Variants in EML5 observed in about 807,000 individuals in gnomAD.
EML5 encodes echinoderm microtubule-associated protein-like 5.
In EML5, 120 loss-of-function variants were observed where a neutral mutation model predicts 250.0. The ratio of observed to expected loss-of-function variants is 0.48; its 90% CI spans 0.41 to 0.56. The LOEUF is 0.56. EML5 is among the 20% of genes least tolerant of loss of function. The probability of loss-of-function intolerance (pLI) is 0.00; values close to 1 mark genes in which losing one functional copy is unlikely to be tolerated. For missense variants in EML5, 2,006 were observed against 2,437.6 expected (o/e 0.82, Z 3.73); for synonymous variants, 771 against 806.5 (o/e 0.96, Z 0.75).
At chr14:88,638,564 T>C (rs1174801442) in intron 32 of EML5, among the ~76,000 whole-genome samples, 1 of 152,236 alleles carries the variant, frequency 6.6e-6, no homozygotes, top group Admixed American at 6.5e-5. Flanking sequence ...AATCCAACTA[T>C]TTCAACTACC....
At chr14:88,730,963 T>TA (rs2093747219) in intron 7 of EML5, among the ~76,000 whole-genome samples, 1 of 152,214 alleles carries the variant, frequency 6.6e-6, no homozygotes, top group Non-Finnish European at 1.5e-5. Flanking sequence ...TCGTTTTTTT[T>TA]AACCAATAGC....
At chr14:88,722,580 A>G (rs1396476759) in intron 8 of EML5, among the ~76,000 whole-genome samples, 1 of 151,340 alleles carries the variant, frequency 6.6e-6, no homozygotes, top group Non-Finnish European at 1.5e-5. Context: ...CTATGGACAC[A>G]GGGAGAGGAA....
chr14:88,638,924 G>A lies in EML5; in HGVS notation c.4238-17C>T. On this transcript the variant is annotated splice_polypyrimidine_tract_variant and intron_variant, in intron 31 of 43. Coordinates refer to ENST00000554922, the MANE Select transcript of EML5 (RefSeq NM_183387.3). ...TCTGAGAACCTACAAAAAAGAATTT[G>A]AGAATTAAGTTTGAAAATTTTAAGA... is the stretch of plus-strand genomic sequence containing the variant. The A allele has an allele frequency of 1.3e-6, 2 of 1,537,398 alleles. No individual in the cohort carries two copies. Among genetic ancestry groups the A allele is most frequent in the Non-Finnish European group, 8.8e-7 (1 of 1,141,214 alleles).
intron 33 of EML5, among the ~76,000 whole-genome samples, chr14:88,628,522 CT>C (rs1205624400): frequency 2.0e-5 from 3 of 151,874 alleles, no homozygotes; most frequent in African/African-American, 7.2e-5. Flanking sequence ...TTTATATTTT[CT>C]TTTTTATGAA....
intron 18 of EML5, 122 bp from the exon 19 acceptor site, chr14:88,687,449 A>G (rs1242832922): frequency 3.0e-6 from 2 of 662,358 alleles, no homozygotes; most frequent in Non-Finnish European, 5.0e-6. Context: ...GCTTGTAAAG[A>G]ACAGGAATTA....
At chr14:88,745,562 C>T (rs894396233) in intron 3 of EML5, among the ~76,000 whole-genome samples, 1 of 152,130 alleles carries the variant, frequency 6.6e-6, no homozygotes, top group Non-Finnish European at 1.5e-5. Flanking sequence ...TAAATCCACA[C>T]AAGCAACATT....
intron 23 of EML5, among the ~76,000 whole-genome samples, chr14:88,663,671 T>C (rs1269332805): frequency 6.6e-6 from 1 of 152,090 alleles, no homozygotes; most frequent in Admixed American, 6.6e-5. Context: ...GACTTTAAAA[T>C]CTTCATTAAC....
intron 7 of EML5, among the ~76,000 whole-genome samples, chr14:88,728,443 T>C (rs1040974782): frequency 6.6e-6 from 1 of 152,136 alleles, no homozygotes; most frequent in Admixed American, 6.5e-5. Context: ...ACACAAACAG[T>C]TGTTTAACAT....
chr14:88,618,660 C>A lies in EML5; in HGVS notation c.5528G>T (p.Ser1843Ile). ...VIQMDFSADS[S>I]YLQVSSGCYK... ...GTATTGGTACTGTACCTGGAGATAACTGCTATCTGCAGAGAAGTCCATTTG... is the reference window on the plus strand; with the variant it reads ...GTATTGGTACTGTACCTGGAGATAAATGCTATCTGCAGAGAAGTCCATTTG... The change falls in exon 40 of 44, where the codon AGT becomes ATT. Residue 1843 changes from serine to isoleucine, a missense_variant. By Grantham distance (142) the Ser-to-Ile change is moderately radical. This residue lies in a region of EML5 where 405 missense variants were observed against 523.3 expected (regional missense o/e 0.77). Coordinates refer to ENST00000554922, the MANE Select transcript of EML5 (RefSeq NM_183387.3). 3 of 1,612,732 alleles carry A rather than the reference C, an allele frequency of 1.9e-6. No homozygotes were observed. The highest frequency in any genetic ancestry group is 2.5e-6 in the Non-Finnish European group (3 of 1,179,420).
At chr14:88,616,008 A>G in intron 43 of EML5, 134 bp downstream of exon 43, 1 of 1,271,166 alleles carries the variant, frequency 7.9e-7, no homozygotes, top group Non-Finnish European at 1.1e-6. Context: ...GAGATTCTGA[A>G]GAGCCATCTG....
rs746338611 is a variant in EML5 at position 88,615,098 on chromosome 14, T to C, written c.*720A>G. 11 of 152,216 alleles carry C rather than the reference T, an allele frequency of 7.2e-5. No individual in the cohort carries two copies. Among genetic ancestry groups the C allele is most frequent in the African/African-American group, 2.2e-4 (9 of 41,460 alleles). The allele number at this position is 152,216 out of a possible 1,614,324, so 9.4% of individuals were successfully genotyped here. On this transcript the variant is annotated 3_prime_UTR_variant, in exon 44 of 44. Transcript: ENST00000554922. The stretch of plus-strand genomic sequence containing the variant: ...TTTTCCATTAGTGAGGCTACAGTTA[T>C]GTTTTAAATGTGCGATTACAGAGAT...
At chr14:88,644,283 C>T (rs1489848814) in intron 30 of EML5, 150 bp downstream of exon 30, 4 of 645,228 alleles carry the variant, frequency 6.2e-6, no homozygotes, top group Non-Finnish European at 1.0e-5. Context: ...AATATCCATC[C>T]AAAACTCAGA....
chr14:88,755,096 G>A (rs965318950), intron 1 of EML5, among the ~76,000 whole-genome samples: 4 of 152,150 alleles, frequency 2.6e-5, no homozygotes, highest in Middle Eastern at 3.2e-3. Context: ...GAGCCACCAC[G>A]CCCAGCAGGT....
At chr14:88,785,576 CCAG>C (rs1227424330) in intron 1 of EML5, among the ~76,000 whole-genome samples, 1 of 152,186 alleles carries the variant, frequency 6.6e-6, no homozygotes, top group Non-Finnish European at 1.5e-5. Flanking sequence ...AATTCAGTAG[CCAG>C]CAACTCCATT....
At chr14:88,625,223 C>A in intron 35 of EML5, 96 bp from the exon 36 acceptor site, 1 of 1,393,924 alleles carries the variant, frequency 7.2e-7, no homozygotes, top group South Asian at 1.4e-5. Flanking sequence ...CTGTCTCACC[C>A]TTGATACAAA....
At chr14:88,762,266 T>C (rs536908227) in intron 1 of EML5, among the ~76,000 whole-genome samples, 2 of 152,122 alleles carry the variant, frequency 1.3e-5, no homozygotes, top group South Asian at 4.2e-4. Context: ...ATCCCAGCAC[T>C]TTGGGAGGCC....
intron 9 of EML5, among the ~76,000 whole-genome samples, chr14:88,714,374 G>C (rs929910766): frequency 2.6e-5 from 4 of 152,172 alleles, no homozygotes; most frequent in Non-Finnish European, 5.9e-5. Context: ...AGTTGCCAGG[G>C]ACTGGGAGAG....
intron 1 of EML5, among the ~76,000 whole-genome samples, chr14:88,760,564 T>C (rs1409610242): frequency 1.3e-5 from 2 of 152,176 alleles, no homozygotes; most frequent in Non-Finnish European, 2.9e-5. Flanking sequence ...TTCATGAGTA[T>C]AGCTTTATTA....
chr14:88,694,504 G>A (rs760987239), intron 16 of EML5, 97 bp from the exon 17 acceptor site: 26 of 841,922 alleles, frequency 3.1e-5, no homozygotes, highest in Non-Finnish European at 3.8e-5. Context: ...CTCTATTTAC[G>A]AATATTTTAC....
Sources: allele counts gnomAD v4.1 joint callset (sites outside exome capture counted in the v4.1 genomes callset), GRCh38; gene constraint gnomAD v4.1.1; regional missense constraint gnomAD v4.1.1; transcripts MANE v1.5; gene names NCBI Gene and HGNC (gene_info 2026-07-23, HGNC 2026-07-21).